The following GRAMD2B variants were observed in gnomAD, a reference collection of about 807,000 sequenced individuals.
GRAMD2B encodes the protein GRAM domain containing 2B.
In GRAMD2B, 41 loss-of-function variants were observed where a neutral mutation model predicts 59.2. The observed-to-expected ratio is 0.69, with a 90% CI of 0.54 to 0.90. The LOEUF is 0.90. GRAMD2B is among the 40% of genes least tolerant of loss of function. GRAMD2B has a pLI of 0.00. For synonymous variants in GRAMD2B, 161 were observed against 182.7 expected, an observed-to-expected ratio of 0.88 and a Z score of 0.96; for missense variants, 424 against 500.5, an observed-to-expected ratio of 0.85 and a Z score of 1.46.
In GRAMD2B at chr5:126,455,972, A is replaced by G. The variant is rs561971295; in HGVS notation, c.84-9454A>G. ...TGAACTTAAGTTCCCAATAAAGCCT[A>G]AATCCTTTGAGAACATAAAATCTGG... is the stretch of plus-strand genomic sequence containing the variant. On this transcript the variant is annotated intron_variant, in intron 1 of 13. Coordinates refer to ENST00000285689, the MANE Select transcript of GRAMD2B (RefSeq NM_023927.4). 2.6e-5 allele frequency among the ~76,000 whole-genome samples: 4 copies of G among 152,350 alleles called. No individual in the cohort carries two copies. In the East Asian group the frequency reaches 7.7e-4, roughly 29 times the overall value.
intron 1 of GRAMD2B, among the ~76,000 whole-genome samples, chr5:126,448,693 C>T (rs1764791424): frequency 6.6e-6 from 1 of 151,946 alleles, no homozygotes; most frequent in South Asian, 2.1e-4. Flanking sequence ...AAAGAGGGGA[C>T]TTAACTGGAA....
At chr5:126,385,839 G>T (rs1165734800) in intron 1 of GRAMD2B, among the ~76,000 whole-genome samples, 1 of 152,176 alleles carries the variant, frequency 6.6e-6, no homozygotes, top group East Asian at 1.9e-4. Context: ...AGCAGTCCCT[G>T]AGGAAATGAA....
At chr5:126,441,163 T>C (rs528828668) in intron 1 of GRAMD2B, among the ~76,000 whole-genome samples, 92 of 152,282 alleles carry the variant, frequency 6.0e-4, no homozygotes, top group African/African-American at 2.1e-3. Context: ...TAATTATATA[T>C]TTTTTTCTTA....
intron 9 of GRAMD2B, 117 bp from the exon 10 acceptor site, chr5:126,484,285 C>A: frequency 2.6e-6 from 3 of 1,172,716 alleles, no homozygotes; most frequent in Non-Finnish European, 3.6e-6. Flanking sequence ...ACTTGTGAGA[C>A]CATCCATTCA....
chr5:126,468,180 G>T (rs1034615907), intron 2 of GRAMD2B, among the ~76,000 whole-genome samples: 1 of 152,242 alleles, frequency 6.6e-6, no homozygotes, highest in South Asian at 2.1e-4. Context: ...AAATGACTGC[G>T]TTTAGCCGTA....
intron 1 of GRAMD2B, among the ~76,000 whole-genome samples, chr5:126,364,844 T>A (rs1477312061): frequency 6.6e-6 from 1 of 152,242 alleles, no homozygotes; most frequent in Non-Finnish European, 1.5e-5. Context: ...CTTTCTGAGA[T>A]GTTTCATAGA....
chr5:126,475,140 G>A (rs921941141), intron 5 of GRAMD2B, among the ~76,000 whole-genome samples: 1 of 152,022 alleles, frequency 6.6e-6, no homozygotes, highest in Non-Finnish European at 1.5e-5. Flanking sequence ...TATTAATAAA[G>A]TATAGCCTTA....
intron 1 of GRAMD2B, among the ~76,000 whole-genome samples, chr5:126,398,955 A>G (rs1434778443): frequency 1.3e-5 from 2 of 152,188 alleles, no homozygotes; most frequent in African/African-American, 4.8e-5. Flanking sequence ...TGGTTGGAAA[A>G]GATTCTTGGA....
rs1282195938 is a variant in GRAMD2B, at chr5:126,493,413, A to G, written c.*457A>G. On this transcript the variant is annotated 3_prime_UTR_variant, in exon 14 of 14. Coordinates refer to ENST00000285689, the MANE Select transcript of GRAMD2B (RefSeq NM_023927.4). Reference sequence around the variant, plus strand: ...TTTCAAGAATTAGCCATGAGTCTCAAAAAGGCAATAAATGGCTCTAAGTGG... The same window carrying G: ...TTTCAAGAATTAGCCATGAGTCTCAGAAAGGCAATAAATGGCTCTAAGTGG... 1 of 154,574 alleles carries G rather than the reference A, an allele frequency of 6.5e-6. No individual in the cohort carries two copies. The highest frequency in any genetic ancestry group is 2.4e-5 in the African/African-American group (1 of 41,482). 9.6% of individuals were successfully genotyped at this position (154,574 alleles called of 1,614,324 possible). A position where few individuals can be genotyped will look rare whatever the true frequency, so the allele number is the denominator to read the frequency against.
intron 1 of GRAMD2B, among the ~76,000 whole-genome samples, chr5:126,454,284 C>A (rs1192732739): frequency 6.6e-6 from 1 of 152,028 alleles, no homozygotes; most frequent in African/African-American, 2.4e-5. Flanking sequence ...TAATGGAGGC[C>A]GTGTCTCAGG....
At chr5:126,364,220 A>G (rs1305702561) in intron 1 of GRAMD2B, among the ~76,000 whole-genome samples, 1 of 152,226 alleles carries the variant, frequency 6.6e-6, no homozygotes, top group East Asian at 1.9e-4. Context: ...AGAGATTTTC[A>G]AATTCCCCAG....
In GRAMD2B at chr5:126,493,961, A is replaced by T. The variant is rs1774339832; in HGVS notation, c.*1005A>T. 1 of 152,682 alleles carries T rather than the reference A, an allele frequency of 6.5e-6. No homozygotes were observed. Among genetic ancestry groups the T allele is most frequent in the Admixed American group, 6.5e-5 (1 of 15,288 alleles). The allele number at this position is 152,682 out of a possible 1,614,324, so 9.5% of individuals were successfully genotyped here. On this transcript the variant is annotated 3_prime_UTR_variant, in exon 14 of 14. Coordinates refer to ENST00000285689, the MANE Select transcript of GRAMD2B (RefSeq NM_023927.4). ...TTTATTAATAATTGTTTAGGGTATCATAAGATCTGTAAGTACAAAGGATAT... is the reference window on the plus strand; with the variant it reads ...TTTATTAATAATTGTTTAGGGTATCTTAAGATCTGTAAGTACAAAGGATAT...
chr5:126,374,534 TGA>T (rs1755026387), intron 1 of GRAMD2B, among the ~76,000 whole-genome samples: 1 of 152,234 alleles, frequency 6.6e-6, no homozygotes, highest in Non-Finnish European at 1.5e-5. Flanking sequence ...CTACTATGTC[TGA>T]GTTCTTATTT....
intron 1 of GRAMD2B, among the ~76,000 whole-genome samples, chr5:126,361,812 G>A (rs1754233881): frequency 6.6e-6 from 1 of 152,154 alleles, no homozygotes; most frequent in Non-Finnish European, 1.5e-5. Flanking sequence ...TTCCTGTCTG[G>A]GTTAATTGCT....
intron 1 of GRAMD2B, among the ~76,000 whole-genome samples, chr5:126,432,812 C>G (rs754601104): frequency 1.3e-5 from 2 of 152,158 alleles, no homozygotes; most frequent in African/African-American, 2.4e-5. Flanking sequence ...TGATCAGGAT[C>G]TTTTCTGAAA....
intron 1 of GRAMD2B, among the ~76,000 whole-genome samples, chr5:126,440,426 C>T (rs1336281956): frequency 6.6e-6 from 1 of 152,118 alleles, no homozygotes; most frequent in African/African-American, 2.4e-5. Context: ...AAAAGATAGA[C>T]CCATAGCTTA....
chr5:126,447,532 C>T (rs991198768), intron 1 of GRAMD2B, among the ~76,000 whole-genome samples: 14 of 151,936 alleles, frequency 9.2e-5, no homozygotes, highest in South Asian at 2.1e-4. Context: ...GGCGTGGTGG[C>T]GGGCGCCTGT....
At chr5:126,408,524 T>G (rs1389352552) in intron 1 of GRAMD2B, among the ~76,000 whole-genome samples, 1 of 151,502 alleles carries the variant, frequency 6.6e-6, no homozygotes, top group African/African-American at 2.4e-5. Context: ...TGGTTGGTTG[T>G]TTTTTATTTT....
chr5:126,455,839 A>G (rs1268498938), intron 1 of GRAMD2B, among the ~76,000 whole-genome samples: 2 of 152,156 alleles, frequency 1.3e-5, no homozygotes, highest in African/African-American at 2.4e-5. Flanking sequence ...CTTCCACACA[A>G]CTTCTCTGAG....
Sources: gnomAD v4.1 joint callset for allele counts (sites outside exome capture counted in the v4.1 genomes callset) on GRCh38, gnomAD v4.1.1 for gene constraint, MANE v1.5 for transcripts, NCBI Gene and HGNC (gene_info 2026-07-23, HGNC 2026-07-21) for gene names.